ANO4: variants seen among roughly 807,000 people sequenced by gnomAD.
The protein encoded by ANO4 is anoctamin 4.
A neutral mutation model predicts 141.9 loss-of-function variants in ANO4; 69 were observed. The observed-to-expected ratio is 0.49, with a 90% CI of 0.40 to 0.59. The LOEUF (loss-of-function observed/expected upper bound fraction) is 0.59. ANO4 is among the 20% of genes least tolerant of loss of function. The pLI is 0.00. For missense variants in ANO4, 894 were observed against 1,162.2 expected, an observed-to-expected ratio of 0.77 and a Z score of 3.36; for synonymous variants, 350 against 394.3, an observed-to-expected ratio of 0.89 and a Z score of 1.33.
intron 5 of ANO4, among the ~76,000 whole-genome samples, chr12:100,944,975 G>T (rs955370440): frequency 1.3e-5 from 2 of 152,030 alleles, no homozygotes; most frequent in African/African-American, 2.4e-5. Flanking sequence ...TTTTAATGGC[G>T]ATTTCAGCTT....
chr12:100,964,068 T>A (rs1395200792), intron 5 of ANO4, among the ~76,000 whole-genome samples: 1 of 152,204 alleles, frequency 6.6e-6, no homozygotes, highest in African/African-American at 2.4e-5. Flanking sequence ...GGCCTTACAT[T>A]AATTTTTAGG....
intron 1 of ANO4, among the ~76,000 whole-genome samples, chr12:100,730,982 C>T (rs1032062036): frequency 6.6e-6 from 1 of 152,142 alleles, no homozygotes; most frequent in Non-Finnish European, 1.5e-5. Context: ...CTATAGAAAA[C>T]CCCTTAAAGA....
intron 1 of ANO4, among the ~76,000 whole-genome samples, chr12:100,869,830 G>C (rs2038945785): frequency 6.6e-6 from 1 of 152,190 alleles, no homozygotes; most frequent in African/African-American, 2.4e-5. Flanking sequence ...AGTCACTGCT[G>C]TAACCATAGC....
intron 8 of ANO4, among the ~76,000 whole-genome samples, chr12:101,006,059 A>G (rs1175863050): frequency 6.6e-6 from 1 of 152,132 alleles, no homozygotes; most frequent in Non-Finnish European, 1.5e-5. Flanking sequence ...CTCTGGCTCA[A>G]TTAATGCATA....
intron 1 of ANO4, among the ~76,000 whole-genome samples, chr12:100,733,427 T>C (rs564731596): frequency 1.9e-4 from 29 of 152,310 alleles, no homozygotes; most frequent in Admixed American, 5.2e-4. Context: ...CCTTACCTGA[T>C]ACTCTTTAGT....
chr12:100,974,466 A>C (rs2044071743), intron 6 of ANO4, among the ~76,000 whole-genome samples: 1 of 152,130 alleles, frequency 6.6e-6, no homozygotes, highest in Admixed American at 6.5e-5. Context: ...GTGCCCACTA[A>C]ATTATGTATG....
At chr12:100,971,725 G>C (rs1317230210) in intron 6 of ANO4, among the ~76,000 whole-genome samples, 2 of 152,038 alleles carry the variant, frequency 1.3e-5, no homozygotes, top group Admixed American at 6.5e-5. Flanking sequence ...TGAACAGCCA[G>C]ACCACAGGCA....
intron 7 of ANO4, among the ~76,000 whole-genome samples, chr12:100,980,020 G>A (rs1335184161): frequency 2.6e-5 from 4 of 151,722 alleles, no homozygotes; most frequent in Non-Finnish European, 5.9e-5. Context: ...GATTACAGGC[G>A]TGAGCCACCA....
At chr12:100,901,911 A>G (rs751458221) in intron 2 of ANO4, 71 bp downstream of exon 2, 64 of 1,373,152 alleles carry the variant, frequency 4.7e-5, no homozygotes, top group Non-Finnish European at 6.3e-5. Context: ...TTATATTTTT[A>G]TTGTGTAAAT....
At chr12:100,861,452 A>T (rs762609089) in intron 1 of ANO4, among the ~76,000 whole-genome samples, 13 of 152,220 alleles carry the variant, frequency 8.5e-5, no homozygotes, top group Non-Finnish European at 1.8e-4. Context: ...ATATCTAAAC[A>T]TAGAAAAGGT....
At position 100,806,532 on chromosome 12, in the gene ANO4, T is replaced by TTTTTTTC. The variant is rs2035054439; in HGVS notation, c.-141+11511_-141+11512insCTTTTTT. Among the ~76,000 whole-genome samples the TTTTTTTC allele has an allele frequency of 5.8e-5, 2 of 34,574 alleles. 1 individual carries two copies. The highest frequency in any genetic ancestry group is 3.5e-4 in the African/African-American group (2 of 5,730). 22.7% of individuals were successfully genotyped at this position (34,574 alleles called of 152,430 possible). On this transcript the variant is annotated intron_variant, in intron 1 of 27. Transcript: ENST00000392977. ...GGTTTTTTTTTTGTTTCGTTTTTTT[T>TTTTTTTC]TTTTTTTTTTTTTTTTTTTTTTTTT... is the stretch of plus-strand genomic sequence containing the variant.
chr12:100,973,827 C>A (rs1227718179), intron 6 of ANO4, among the ~76,000 whole-genome samples: 3 of 152,184 alleles, frequency 2.0e-5, no homozygotes, highest in Non-Finnish European at 4.4e-5. Context: ...AGCTGCACTG[C>A]CCTAAAAGTC....
chr12:101,106,722 A>G lies in ANO4; in HGVS notation c.2150-3682A>G, dbSNP rs187873150. On this transcript the variant is annotated intron_variant, in intron 22 of 27. Transcript: ENST00000392977. ...CTATATAGTATTTATTTTATTTATA[A>G]AAAGATATTAAGCAGGTATGACAAA... Among the ~76,000 whole-genome samples, 12 of 151,724 alleles carry G rather than the reference A, an allele frequency of 7.9e-5. No homozygotes were observed. The East Asian group carries it at 2.3e-3, about 29-fold the overall frequency.
chr12:100,993,572 G>T (rs539183115), intron 8 of ANO4, among the ~76,000 whole-genome samples: 31 of 152,206 alleles, frequency 2.0e-4, no homozygotes, highest in African/African-American at 7.5e-4. Flanking sequence ...ACTATCTAGT[G>T]TGGGTCACTC....
At chr12:101,041,501 C>A (rs945025976) in intron 11 of ANO4, among the ~76,000 whole-genome samples, 8 of 152,138 alleles carry the variant, frequency 5.3e-5, no homozygotes, top group Admixed American at 1.3e-4. Flanking sequence ...GCACATTTCC[C>A]ATTCATGACA....
At chr12:101,109,340 A>G (rs2050571122) in intron 22 of ANO4, among the ~76,000 whole-genome samples, 1 of 152,174 alleles carries the variant, frequency 6.6e-6, no homozygotes, top group Admixed American at 6.5e-5. Flanking sequence ...AGGCAGGCGG[A>G]TCACAAGGTC....
At chr12:101,106,926 C>T (rs773914800) in intron 22 of ANO4, among the ~76,000 whole-genome samples, 1 of 149,588 alleles carries the variant, frequency 6.7e-6, no homozygotes, top group Non-Finnish European at 1.5e-5. Flanking sequence ...GCATTAATCA[C>T]TTCAAGACCA....
chr12:101,033,313 G>A (rs1593073981), intron 9 of ANO4, among the ~76,000 whole-genome samples: 1 of 148,046 alleles, frequency 6.8e-6, no homozygotes, highest in East Asian at 2.0e-4. Flanking sequence ...TCTGGGGACT[G>A]TTGTGGGGTG....
intron 14 of ANO4, among the ~76,000 whole-genome samples, chr12:101,078,152 C>T (rs7298480): frequency 0.13 from 19,649 of 152,016 alleles, 1,310 homozygotes; most frequent in Admixed American, 0.17. Flanking sequence ...TTGACATGGC[C>T]ATTTACATAA....
Sources: gnomAD v4.1 joint callset for allele counts (sites outside exome capture counted in the v4.1 genomes callset) on GRCh38, gnomAD v4.1.1 for gene constraint, MANE v1.5 for transcripts, NCBI Gene and HGNC (gene_info 2026-07-23, HGNC 2026-07-21) for gene names.